SND1: variants seen among roughly 807,000 people sequenced by gnomAD.
The protein encoded by SND1 is staphylococcal nuclease domain-containing protein 1.
A neutral mutation model predicts 121.7 loss-of-function variants in SND1; 38 were observed. The observed-to-expected ratio is 0.31, with a 90% CI of 0.24 to 0.41. The LOEUF (loss-of-function observed/expected upper bound fraction) is 0.41. Among genes scored for constraint, SND1 ranks in the 10% least tolerant of loss-of-function variants. SND1 has a pLI of 1.00. For synonymous variants in SND1, 401 were observed against 447.4 expected (o/e 0.90, Z 1.31); for missense variants, 868 against 1,184.6 (o/e 0.73, Z 3.92).
intron 9 of SND1, among the ~76,000 whole-genome samples, chr7:127,710,175 A>T (rs1259886303): frequency 6.6e-6 from 1 of 152,212 alleles, no homozygotes; most frequent in East Asian, 1.9e-4. Context: ...ATTAAATGTC[A>T]GTATCGTAAA....
intron 14 of SND1, among the ~76,000 whole-genome samples, chr7:127,915,700 T>C (rs2116788641): frequency 6.6e-6 from 1 of 152,342 alleles, no homozygotes; most frequent in East Asian, 1.9e-4. Context: ...CCACAGCTTA[T>C]TCTAAGTGGT....
intron 10 of SND1, among the ~76,000 whole-genome samples, chr7:127,772,876 T>C (rs1326320617): frequency 6.6e-6 from 1 of 152,244 alleles, no homozygotes; most frequent in Non-Finnish European, 1.5e-5. Context: ...TTTCTTCCTT[T>C]TTGATATAAT....
At chr7:127,964,610 CT>C (rs1801813947) in intron 15 of SND1, among the ~76,000 whole-genome samples, 1 of 151,986 alleles carries the variant, frequency 6.6e-6, no homozygotes, top group Non-Finnish European at 1.5e-5. Flanking sequence ...TTCCATTGAT[CT>C]ATATCTCTGT....
chr7:127,951,270 G>A (rs1801456485), intron 15 of SND1, among the ~76,000 whole-genome samples: 1 of 152,120 alleles, frequency 6.6e-6, no homozygotes, highest in Admixed American at 6.6e-5. Context: ...TGCCATTTAC[G>A]ACAACATGGA....
intron 16 of SND1, among the ~76,000 whole-genome samples, chr7:128,044,197 G>T (rs574159524): frequency 6.6e-6 from 1 of 152,232 alleles, no homozygotes; most frequent in Non-Finnish European, 1.5e-5. Context: ...CCTATCTAAA[G>T]TGTCCTGTCG....
intron 11 of SND1, among the ~76,000 whole-genome samples, chr7:127,833,412 A>G (rs917873768): frequency 6.6e-6 from 1 of 151,922 alleles, no homozygotes; most frequent in Non-Finnish European, 1.5e-5. Context: ...CTAAAGGCAC[A>G]TACCACCATG....
chr7:127,850,645 A>G (rs1266512767), intron 12 of SND1, among the ~76,000 whole-genome samples: 1 of 152,134 alleles, frequency 6.6e-6, no homozygotes, highest in Non-Finnish European at 1.5e-5. Context: ...TTCCACTTAA[A>G]TCAGTAACAA....
At chr7:127,724,767 C>T (rs1796553735) in intron 10 of SND1, among the ~76,000 whole-genome samples, 1 of 152,090 alleles carries the variant, frequency 6.6e-6, no homozygotes, top group South Asian at 2.1e-4. Context: ...GAATATTATG[C>T]CTGGTAAAAA....
chr7:127,934,298 A>C (rs954777902), intron 15 of SND1, among the ~76,000 whole-genome samples: 4 of 152,180 alleles, frequency 2.6e-5, no homozygotes, highest in African/African-American at 9.7e-5. Context: ...TGGAGTATAA[A>C]GAGTGAGGAG....
At chr7:127,765,114 A>G (rs950248268) in intron 10 of SND1, among the ~76,000 whole-genome samples, 1 of 152,214 alleles carries the variant, frequency 6.6e-6, no homozygotes, top group African/African-American at 2.4e-5. Context: ...AATTTTGACT[A>G]CAAATGACAT....
intron 10 of SND1, among the ~76,000 whole-genome samples, chr7:127,770,588 T>A (rs1282165742): frequency 1.3e-5 from 2 of 152,222 alleles, no homozygotes; most frequent in African/African-American, 4.8e-5. Flanking sequence ...CAAGGTCTAA[T>A]AGCTGGTAAG....
chr7:127,742,115 A>G (rs75008380), intron 10 of SND1, among the ~76,000 whole-genome samples: 6,952 of 152,246 alleles, frequency 0.046, 229 homozygotes, highest in Non-Finnish European at 0.068. Flanking sequence ...GGCAGCTGGT[A>G]GCTGGGCCTA....
At chr7:128,076,792 G>C (rs1474604859) in intron 17 of SND1, among the ~76,000 whole-genome samples, 1 of 152,214 alleles carries the variant, frequency 6.6e-6, no homozygotes, top group Non-Finnish European at 1.5e-5. Flanking sequence ...TTTAGGGAGT[G>C]TGATTGTGTG....
rs78954442 is a variant in SND1 at position 128,086,487 on chromosome 7, G to T, written c.2305-451G>T. 5.5e-3 allele frequency: 1,453 copies of T among 265,054 alleles called. 23 individuals carry two copies. The highest frequency in any genetic ancestry group is 0.028 in the African/African-American group (1,233 of 43,740). The allele number at this position is 265,054 out of a possible 1,614,324, so 16.4% of individuals were successfully genotyped here. On this transcript the variant is annotated intron_variant, in intron 20 of 23. Transcript: ENST00000354725. ...AAGGAAGAGGTCCTGCCAGACAAGG[G>T]TGAACCCAGATGCCTGGGCCAGAAC...
At chr7:127,759,109 G>A (rs903216651) in intron 10 of SND1, among the ~76,000 whole-genome samples, 1 of 152,174 alleles carries the variant, frequency 6.6e-6, no homozygotes, top group Non-Finnish European at 1.5e-5. Flanking sequence ...TAGGCAGGCA[G>A]GCAGATAGGT....
intron 15 of SND1, among the ~76,000 whole-genome samples, chr7:127,982,527 T>C (rs1191929910): frequency 6.6e-6 from 1 of 152,218 alleles, no homozygotes; most frequent in Non-Finnish European, 1.5e-5. Flanking sequence ...CACAAGATCC[T>C]ACCTCCCCTG....
chr7:127,993,416 A>G (rs1802565071), intron 16 of SND1, among the ~76,000 whole-genome samples: 1 of 152,252 alleles, frequency 6.6e-6, no homozygotes, highest in Non-Finnish European at 1.5e-5. Flanking sequence ...CTGGATGCAG[A>G]GGTCCTTCCC....
intron 15 of SND1, among the ~76,000 whole-genome samples, chr7:127,946,655 T>C (rs1182970567): frequency 1.3e-5 from 2 of 152,252 alleles, no homozygotes; most frequent in African/African-American, 4.8e-5. Context: ...TCTGAGGAAG[T>C]GGCTGTTGAG....
intron 16 of SND1, chr7:127,997,813 A>G: frequency 1.9e-6 from 1 of 534,778 alleles, no homozygotes; most frequent in South Asian, 1.4e-5. Context: ...GTAGACTTAC[A>G]CTTTCGGCCC....
Sources: gnomAD v4.1 joint callset for allele counts (sites outside exome capture counted in the v4.1 genomes callset) on GRCh38, gnomAD v4.1.1 for gene constraint, MANE v1.5 for transcripts, NCBI Gene and HGNC (gene_info 2026-07-23, HGNC 2026-07-21) for gene names.